The following PALM2AKAP2 variants were observed in gnomAD, a reference collection of about 807,000 sequenced individuals.
PALM2AKAP2 encodes PALM2-AKAP2 fusion protein.
In PALM2AKAP2, 37 loss-of-function variants were observed where a neutral mutation model predicts 71.5. The ratio of observed to expected loss-of-function variants is 0.52; its 90% CI spans 0.40 to 0.68. The LOEUF (loss-of-function observed/expected upper bound fraction) is 0.68. PALM2AKAP2 is among the 30% of genes least tolerant of loss of function. The pLI, the probability that PALM2AKAP2 is intolerant of heterozygous loss-of-function variation, is 0.00. For synonymous variants in PALM2AKAP2, 468 were observed against 478.8 expected (o/e 0.98, Z 0.29); for missense variants, 1,224 against 1,191.8 (o/e 1.03, Z -0.40).
intron 1 of PALM2AKAP2, among the ~76,000 whole-genome samples, chr9:109,672,514 T>A (rs1455100535): frequency 6.6e-6 from 1 of 152,174 alleles, no homozygotes; most frequent in African/African-American, 2.4e-5. Flanking sequence ...CAGTATCGTG[T>A]TGAGGATTTT....
At chr9:109,785,586 G>A (rs191662116) in intron 1 of PALM2AKAP2, among the ~76,000 whole-genome samples, 122 of 152,318 alleles carry the variant, frequency 8.0e-4, no homozygotes, top group African/African-American at 2.7e-3. Flanking sequence ...GGCAGAAGGT[G>A]AAAGGCACAT....
chr9:109,940,214 C>T (rs1403216539), intron 6 of PALM2AKAP2, among the ~76,000 whole-genome samples: 1 of 152,162 alleles, frequency 6.6e-6, no homozygotes, highest in Admixed American at 6.5e-5. Flanking sequence ...GGGCAAGAAA[C>T]TAACCCTCAA....
intron 6 of PALM2AKAP2, among the ~76,000 whole-genome samples, chr9:109,959,022 C>T (rs1438952715): frequency 6.6e-6 from 1 of 152,226 alleles, no homozygotes; most frequent in Non-Finnish European, 1.5e-5. Flanking sequence ...TGTGCCCTCA[C>T]TTTCTCCTTG....
intron 1 of PALM2AKAP2, among the ~76,000 whole-genome samples, chr9:109,684,863 C>A (rs950593721): frequency 1.3e-5 from 2 of 152,134 alleles, no homozygotes; most frequent in African/African-American, 4.8e-5. Flanking sequence ...TCCATGGCAG[C>A]TTCATTCTTA....
intron 1 of PALM2AKAP2, among the ~76,000 whole-genome samples, chr9:110,093,842 T>G (rs2118812941): frequency 6.6e-6 from 1 of 152,354 alleles, no homozygotes; most frequent in Admixed American, 6.5e-5. Context: ...GATGACAGTT[T>G]CTCTGAGAAG....
chr9:110,019,108 G>A (rs577608594), intron 7 of PALM2AKAP2, among the ~76,000 whole-genome samples: 27 of 151,890 alleles, frequency 1.8e-4, no homozygotes, highest in South Asian at 1.3e-3. Flanking sequence ...GTGTGATGGC[G>A]CGTGCCTGTA....
chr9:110,067,731 T>C (rs1834113383), intron 1 of PALM2AKAP2, among the ~76,000 whole-genome samples: 1 of 152,216 alleles, frequency 6.6e-6, no homozygotes, highest in East Asian at 1.9e-4. Flanking sequence ...CTAGTATGAA[T>C]GAAAATTTTC....
intron 3 of PALM2AKAP2, among the ~76,000 whole-genome samples, chr9:109,905,346 G>A (rs551879679): frequency 2.6e-5 from 4 of 152,006 alleles, no homozygotes; most frequent in Non-Finnish European, 5.9e-5. Context: ...GGGCACGCAT[G>A]AGCCAGGGCC....
upstream of PALM2AKAP2, among the ~76,000 whole-genome samples, chr9:109,779,241 T>A (rs1363534661): frequency 6.6e-6 from 1 of 152,194 alleles, no homozygotes; most frequent in Non-Finnish European, 1.5e-5. Flanking sequence ...TTGGCATTGA[T>A]CTCCTTTTGG....
intron 1 of PALM2AKAP2, among the ~76,000 whole-genome samples, chr9:109,836,201 C>G (rs1828471274): frequency 2.0e-5 from 3 of 152,210 alleles, no homozygotes; most frequent in Admixed American, 2.0e-4. Flanking sequence ...AATGATCAGG[C>G]AGCAACATTT....
intron 5 of PALM2AKAP2, among the ~76,000 whole-genome samples, chr9:109,930,087 T>G (rs1396109372): frequency 6.6e-6 from 1 of 152,090 alleles, no homozygotes; most frequent in African/African-American, 2.4e-5. Context: ...TTCAACCATG[T>G]CTGCCTTATC....
chr9:109,938,988 C>T (rs1289903045), intron 6 of PALM2AKAP2, among the ~76,000 whole-genome samples: 3 of 151,828 alleles, frequency 2.0e-5, no homozygotes, highest in African/African-American at 2.4e-5. Context: ...AAAGTCGCAC[C>T]GCTGCACTTC....
At chr9:109,681,114 T>A (rs1397596937) in intron 1 of PALM2AKAP2, among the ~76,000 whole-genome samples, 1 of 152,234 alleles carries the variant, frequency 6.6e-6, no homozygotes, top group African/African-American at 2.4e-5. Flanking sequence ...TACATAGTTT[T>A]CTCTCAATAA....
chr9:110,078,968 C>T (rs1834384100), intron 1 of PALM2AKAP2, among the ~76,000 whole-genome samples: 1 of 152,162 alleles, frequency 6.6e-6, no homozygotes, highest in South Asian at 2.1e-4. Flanking sequence ...TTTTAGGAAA[C>T]GTGTGTAGTT....
chr9:109,685,412 T>A (rs1351473446), intron 1 of PALM2AKAP2, among the ~76,000 whole-genome samples: 1 of 152,168 alleles, frequency 6.6e-6, no homozygotes, highest in Non-Finnish European at 1.5e-5. Context: ...ACCACCACGA[T>A]AAAGTGACTA....
intron 5 of PALM2AKAP2, among the ~76,000 whole-genome samples, chr9:109,930,931 C>T (rs1270179449): frequency 6.6e-6 from 1 of 152,132 alleles, no homozygotes; most frequent in Non-Finnish European, 1.5e-5. Flanking sequence ...CCATTTTGCA[C>T]ATGTTGAGTT....
intron 3 of PALM2AKAP2, among the ~76,000 whole-genome samples, chr9:109,915,303 A>G (rs1830660678): frequency 6.6e-6 from 1 of 152,196 alleles, no homozygotes; most frequent in African/African-American, 2.4e-5. Flanking sequence ...GTGTGAAATA[A>G]TCGTTGGGTG....
intron 1 of PALM2AKAP2, among the ~76,000 whole-genome samples, chr9:109,698,271 C>CTT (rs1564117062): frequency 8.6e-4 from 119 of 137,590 alleles, no homozygotes; most frequent in African/African-American, 3.4e-3. Context: ...ATGTGTGCTA[C>CTT]ATTTTTTTTT....
At chr9:110,134,971 G>A (rs1835815474) in intron 1 of PALM2AKAP2, among the ~76,000 whole-genome samples, 1 of 150,960 alleles carries the variant, frequency 6.6e-6, no homozygotes, top group Admixed American at 6.6e-5. Context: ...GAAAATTAAT[G>A]TTTCTAATGC....
Sources: gnomAD v4.1 joint callset for allele counts (sites outside exome capture counted in the v4.1 genomes callset) on GRCh38, gnomAD v4.1.1 for gene constraint, MANE v1.5 for transcripts, NCBI Gene and HGNC (gene_info 2026-07-23, HGNC 2026-07-21) for gene names.